Variants in HDX observed in about 807,000 individuals in gnomAD.
The protein encoded by HDX is highly divergent homeobox.
In HDX, 19 loss-of-function variants were observed where a neutral mutation model predicts 45.2. The observed-to-expected ratio is 0.42, with a 90% CI of 0.29 to 0.62. The LOEUF (loss-of-function observed/expected upper bound fraction) is 0.62, where lower values mean the gene tolerates loss of function less well. Ranked by LOEUF, HDX falls within the 20% of genes least tolerant of loss-of-function variation. HDX has a pLI of 0.20. For synonymous variants in HDX, 188 were observed against 172.8 expected (o/e 1.09, Z -0.69); for missense variants, 532 against 493.9 (o/e 1.08, Z -0.73).
At chrX:84,385,196 C>CTTTTTTTTTTTT (rs146043472) in intron 5 of HDX, among the ~76,000 whole-genome samples, 2 of 29,530 alleles carry the variant, frequency 6.8e-5, no homozygotes, top group African/African-American at 1.6e-4. Flanking sequence ...TCTCTGATTT[C>CTTTTTTTTTTTT]TTTTTTTTTT....
At chrX:84,408,495 C>CTTTTTTT (rs1381735080) in intron 5 of HDX, among the ~76,000 whole-genome samples, 1 of 36,160 alleles carries the variant, frequency 2.8e-5, no homozygotes, top group Non-Finnish European at 5.6e-5. Flanking sequence ...ATGCCTCCAG[C>CTTTTTTT]TTTGTTTTTT....
At chrX:84,485,685 A>C (rs1242223699) in intron 2 of HDX, among the ~76,000 whole-genome samples, 1 of 112,333 alleles carries the variant, frequency 8.9e-6, no homozygotes, top group African/African-American at 3.2e-5. Context: ...GGTGTTAGCC[A>C]CCAGGCCCAG....
chrX:84,340,306 AT>A (rs1299437836), intron 7 of HDX, among the ~76,000 whole-genome samples: 1 of 111,344 alleles, frequency 9.0e-6, no homozygotes, highest in South Asian at 3.7e-4. Flanking sequence ...TTTCTAGAAT[AT>A]TTTAATGTGA....
intron 5 of HDX, among the ~76,000 whole-genome samples, chrX:84,406,469 TAC>T (rs369018765): frequency 0.51 from 43,496 of 85,957 alleles, 9,211 homozygotes; most frequent in Middle Eastern, 0.67. Flanking sequence ...TAATCTCACA[TAC>T]ACACACACAC....
At chrX:84,337,663 T>C (rs191946543) in intron 7 of HDX, among the ~76,000 whole-genome samples, 28 of 111,911 alleles carry the variant, frequency 2.5e-4, no homozygotes, top group African/African-American at 9.1e-4. Flanking sequence ...AATATCCTCT[T>C]ATCCTTATTT....
At chrX:84,384,629 A>C (rs934860140) in intron 5 of HDX, among the ~76,000 whole-genome samples, 7 of 108,926 alleles carry the variant, frequency 6.4e-5, no homozygotes, top group African/African-American at 2.3e-4. Context: ...GGTATTTCCT[A>C]AGTTTTCCTG....
chrX:84,424,785 T>C (rs2039347555), intron 5 of HDX, among the ~76,000 whole-genome samples: 1 of 110,771 alleles, frequency 9.0e-6, no homozygotes, highest in East Asian at 2.8e-4. Context: ...CAGACCCCTA[T>C]CTCTCACCAT....
chrX:84,423,581 T>A (rs1442907001), intron 5 of HDX, among the ~76,000 whole-genome samples: 1 of 107,606 alleles, frequency 9.3e-6, no homozygotes, highest in African/African-American at 3.4e-5. Context: ...ACTAGCAAAC[T>A]AAATTCAATA....
At chrX:84,398,121 CACAT>C (rs2038609358) in intron 5 of HDX, among the ~76,000 whole-genome samples, 1 of 110,018 alleles carries the variant, frequency 9.1e-6, no homozygotes, top group African/African-American at 3.3e-5. Flanking sequence ...TACACACACA[CACAT>C]ATATATATAT....
At chrX:84,496,218 T>C (rs2040998645) in intron 1 of HDX, among the ~76,000 whole-genome samples, 1 of 111,914 alleles carries the variant, frequency 8.9e-6, no homozygotes, top group Middle Eastern at 4.6e-3. Context: ...ATACAATGTA[T>C]AATGGAGAAT....
chrX:84,360,762 T>C (rs778679254), intron 6 of HDX, among the ~76,000 whole-genome samples: 1 of 112,295 alleles, frequency 8.9e-6, no homozygotes, highest in Non-Finnish European at 1.9e-5. Flanking sequence ...TTCCTTTATA[T>C]GGCTCTATAA....
chrX:84,481,360 G>A (rs181797868), intron 2 of HDX, among the ~76,000 whole-genome samples: 71 of 111,051 alleles, frequency 6.4e-4, no homozygotes, highest in African/African-American at 2.2e-3. Context: ...TGTTCAGCAA[G>A]TATTTATTGA....
chrX:84,329,084 T>G (rs1170520698), intron 9 of HDX, among the ~76,000 whole-genome samples: 1 of 112,163 alleles, frequency 8.9e-6, no homozygotes, highest in Non-Finnish European at 1.9e-5. Context: ...TTAGGGGTTG[T>G]GGAGACCAAG....
intron 9 of HDX, 65 bp downstream of exon 9, chrX:84,333,694 G>A (rs2036893957): frequency 2.1e-6 from 1 of 471,131 alleles, no homozygotes; most frequent in Admixed American, 3.3e-5. Flanking sequence ...AGTAATATAG[G>A]TATTGTAAAA....
chrX:84,328,094 G>A lies in HDX; in HGVS notation c.1825-1794C>T, dbSNP rs141767435. ...CAGTCTCCCAAAGTGTTGGTATTAC[G>A]GGGATGCATTATTGTGCCTAGCCTC... is the stretch of plus-strand genomic sequence containing the variant. On this transcript the variant is annotated intron_variant, in intron 9 of 10. Transcript: ENST00000373177. 8.2e-3 allele frequency among the ~76,000 whole-genome samples: 907 copies of A among 111,023 alleles called. 7 individuals are homozygous for A. The highest frequency in any genetic ancestry group is 0.027 in the African/African-American group (836 of 30,546).
chrX:84,434,711 C>A (rs1453564725), intron 5 of HDX, among the ~76,000 whole-genome samples: 1 of 111,508 alleles, frequency 9.0e-6, no homozygotes, highest in African/African-American at 3.2e-5. Flanking sequence ...GTTATCTCCA[C>A]TTCGATGTTT....
chrX:84,337,140 A>AAT (rs2036983966), intron 7 of HDX, among the ~76,000 whole-genome samples: 1 of 110,518 alleles, frequency 9.0e-6, no homozygotes, highest in African/African-American at 3.3e-5. Context: ...ACAATGGAGG[A>AAT]ATAGAGAAAT....
intron 2 of HDX, among the ~76,000 whole-genome samples, chrX:84,476,752 A>G (rs1017351220): frequency 3.6e-5 from 4 of 111,575 alleles, no homozygotes; most frequent in African/African-American, 6.5e-5. Context: ...AAAGCTCTCT[A>G]TTAAGGAAAG....
At chrX:84,492,890 C>G (rs1389783956) in intron 1 of HDX, among the ~76,000 whole-genome samples, 1 of 106,496 alleles carries the variant, frequency 9.4e-6, no homozygotes, top group East Asian at 2.9e-4. Flanking sequence ...TTTTTTAGTA[C>G]AAATTTAATA....
Sources: gnomAD v4.1 joint callset for allele counts (sites outside exome capture counted in the v4.1 genomes callset) on GRCh38, gnomAD v4.1.1 for gene constraint, MANE v1.5 for transcripts, NCBI Gene and HGNC (gene_info 2026-07-23, HGNC 2026-07-21) for gene names.